Variants in ZNF221 observed in about 807,000 individuals in gnomAD.
ZNF221 encodes zinc finger protein 221.
ZNF221 carries 10 observed loss-of-function variants against 12.6 expected under a neutral mutation model. The ratio of observed to expected loss-of-function variants is 0.79; its 90% CI spans 0.49 to 1.34. The LOEUF (loss-of-function observed/expected upper bound fraction) is 1.34. Among genes scored for constraint, ZNF221 ranks in the 40% most tolerant of loss-of-function variants. ZNF221 has a pLI of 0.00. For missense variants in ZNF221, 661 were observed against 721.4 expected (o/e 0.92, Z 0.96); for synonymous variants, 232 against 244.0 (o/e 0.95, Z 0.46).
intron 1 of ZNF221, chr19:43,962,034 G>A (rs985623526): frequency 6.6e-6 from 1 of 152,106 alleles, no homozygotes; most frequent in African/African-American, 2.4e-5. Context: ...TTATTAGTGG[G>A]CATTATCCTG....
At chr19:43,965,566 G>A (rs75960406) in intron 4 of ZNF221, among the ~76,000 whole-genome samples, 5,259 of 152,290 alleles carry the variant, frequency 0.035, 121 homozygotes, top group Non-Finnish European at 0.051. Flanking sequence ...CGGGTTAAGT[G>A]TATGTATGTT....
chr19:43,967,030 G>A lies in ZNF221; in HGVS notation c.1528G>A (p.Glu510Lys), dbSNP rs1448645433. Reference sequence around the variant, plus strand: ...TGGGGAAAAACCTTTCAAATGTGAAGAGTGTGGAAAGAGATTTACTCAGAG... The same window carrying A: ...TGGGGAAAAACCTTTCAAATGTGAAAAGTGTGGAAAGAGATTTACTCAGAG... ...HSGEKPFKCE[E>K]CGKRFTQSSQ... is the part of the protein sequence containing the mutation. Residue 510 changes from glutamate to lysine, a missense_variant, in exon 5 of 5, where the codon GAG (glutamate) becomes AAG (lysine). Glu to Lys is a moderately conservative substitution (Grantham distance 56). Coordinates refer to ENST00000587682, the MANE Select transcript of ZNF221 (RefSeq NM_001297588.2). 1 of 1,597,614 alleles carries A rather than the reference G, an allele frequency of 6.3e-7. No homozygotes were observed. The highest frequency in any genetic ancestry group is 8.6e-7 in the Non-Finnish European group (1 of 1,169,548).
chr19:43,969,074 G>T (rs974493913), downstream of ZNF221, among the ~76,000 whole-genome samples: 1 of 152,198 alleles, frequency 6.6e-6, no homozygotes, highest in Non-Finnish European at 1.5e-5. Flanking sequence ...AGGGAGCCAG[G>T]CAGCAACATT....
chr19:43,977,014 A>T, the ZNF221 span: 266 of 152,360 alleles, frequency 1.7e-3, 1 homozygote, highest in African/African-American at 5.8e-3. Context: ...ATTTATTAAT[A>T]TAAAAACACA....
At chr19:43,979,557 C>G in the ZNF221 span, among the ~76,000 whole-genome samples, 1 of 151,996 alleles carries the variant, frequency 6.6e-6, no homozygotes, top group Non-Finnish European at 1.5e-5. Flanking sequence ...AAAAGTAGAG[C>G]TGAAGCTTCT....
At chr19:43,977,338 A>G in the ZNF221 span, 1 of 152,222 alleles carries the variant, frequency 6.6e-6, no homozygotes, top group East Asian at 1.9e-4. Flanking sequence ...TCACTTACCT[A>G]TAAGGACTCT....
chr19:43,971,370 T>C (rs1975092780), downstream of ZNF221, among the ~76,000 whole-genome samples: 1 of 152,114 alleles, frequency 6.6e-6, no homozygotes, highest in Non-Finnish European at 1.5e-5. Flanking sequence ...AATAACCAGC[T>C]AGCATCATGA....
At chr19:43,976,922 A>G in the ZNF221 span, 1 of 152,246 alleles carries the variant, frequency 6.6e-6, no homozygotes, top group South Asian at 2.1e-4. Context: ...AACTCTGAAA[A>G]TTAGTAGATT....
chr19:43,960,678 C>T (rs1038398642), intron 1 of ZNF221, among the ~76,000 whole-genome samples: 2 of 152,210 alleles, frequency 1.3e-5, no homozygotes, highest in African/African-American at 2.4e-5. Context: ...CACTCTGGCT[C>T]CAGCCTCAGC....
rs1974935311 is a variant in ZNF221, at chr19:43,965,804, G to A, written c.302G>A (p.Gly101Glu). ...ATATATTAATTCTGTGTCTTTTTAG[G>A]AGGCAAGATCCAAATTGAGATGGAG... ...KTTSQREGNS[G>E]GKIQIEMETV... Residue 101 changes from glycine (G) to glutamate (E), a missense_variant and splice_region_variant, in exon 5 of 5, where the codon GGA becomes GAA. By Grantham distance (98) the Gly-to-Glu change is moderately conservative. Coordinates refer to ENST00000587682, the MANE Select transcript of ZNF221 (RefSeq NM_001297588.2). 6.3e-7 allele frequency: 1 copy of A among 1,578,160 alleles called. No homozygotes were observed. The highest frequency in any genetic ancestry group is 1.9e-5 in the Admixed American group (1 of 53,802).
intron 1 of ZNF221, among the ~76,000 whole-genome samples, chr19:43,952,225 G>C (rs943926257): frequency 6.6e-6 from 1 of 152,146 alleles, no homozygotes; most frequent in Admixed American, 6.5e-5. Flanking sequence ...TTCCACAGAA[G>C]GAGGGGAGGG....
At chr19:43,968,971 C>CA (rs1975038932), downstream of ZNF221, among the ~76,000 whole-genome samples, 1 of 152,230 alleles carries the variant, frequency 6.6e-6, no homozygotes, top group African/African-American at 2.4e-5. Context: ...CAGGCACACA[C>CA]AGAGACCCAG....
intron 1 of ZNF221, among the ~76,000 whole-genome samples, chr19:43,960,645 A>G (rs551537341): frequency 1.3e-5 from 2 of 152,206 alleles, no homozygotes; most frequent in South Asian, 4.1e-4. Context: ...AGCAGCCTCA[A>G]GACATTGTGC....
downstream of ZNF221, among the ~76,000 whole-genome samples, chr19:43,968,421 C>T (rs1277693505): frequency 6.6e-6 from 1 of 152,200 alleles, no homozygotes; most frequent in Non-Finnish European, 1.5e-5. Context: ...ATCTTCACAA[C>T]CTTAACACTG....
chr19:43,957,698 C>T (rs1394512887), intron 1 of ZNF221, among the ~76,000 whole-genome samples: 2 of 152,076 alleles, frequency 1.3e-5, no homozygotes, highest in African/African-American at 4.8e-5. Flanking sequence ...TTTCCTCTTG[C>T]TAATTAACCT....
At chr19:43,954,451 G>A (rs1328153793) in intron 1 of ZNF221, among the ~76,000 whole-genome samples, 3 of 152,110 alleles carry the variant, frequency 2.0e-5, no homozygotes, top group South Asian at 2.1e-4. Context: ...CCACTGTGCC[G>A]GTCTAGACTG....
intron 3 of ZNF221, 37 bp from the exon 4 acceptor site, chr19:43,965,196 A>G (rs778591264): frequency 6.3e-7 from 1 of 1,596,426 alleles, no homozygotes; most frequent in South Asian, 1.1e-5. Context: ...ATTACCTACA[A>G]TGGGTTGGAA....
At chr19:43,973,621 A>G in the ZNF221 span, among the ~76,000 whole-genome samples, 1 of 152,230 alleles carries the variant, frequency 6.6e-6, no homozygotes, top group Non-Finnish European at 1.5e-5. Flanking sequence ...GCAAGCAGAG[A>G]GCCGAATCAT....
rs901053284 is a variant in ZNF221 at position 43,966,601 on chromosome 19, A to C, written c.1099A>C (p.Lys367Gln). 1.2e-6 allele frequency: 2 copies of C among 1,614,178 alleles called. No individual in the cohort carries two copies. The highest frequency in any genetic ancestry group is 1.7e-6 in the Non-Finnish European group (2 of 1,180,040). ...GGTCCACATAGAAGAGAAGCCATAC[A>C]AATGTGAGCAATGTGGAAAAGGCTT... is the stretch of plus-strand genomic sequence containing the variant. ...SMVHIEEKPY[K>Q]CEQCGKGFIC... The change falls in exon 5 of 5, where the codon AAA becomes CAA. Residue 367 changes from lysine to glutamine, a missense_variant. Physicochemically the swap from Lys to Gln is moderately conservative, Grantham distance 53. Coordinates refer to ENST00000587682, the MANE Select transcript of ZNF221 (RefSeq NM_001297588.2).
Sources: gnomAD v4.1 joint callset for allele counts (sites outside exome capture counted in the v4.1 genomes callset) on GRCh38, gnomAD v4.1.1 for gene constraint, MANE v1.5 for transcripts, NCBI Gene and HGNC (gene_info 2026-07-23, HGNC 2026-07-21) for gene names.